Variants in DNAH12 observed in about 807,000 individuals in gnomAD.
DNAH12 encodes dynein axonemal heavy chain 12.
Under a neutral mutation model 371.5 loss-of-function variants are expected in DNAH12, and 285 were observed. The ratio of observed to expected loss-of-function variants is 0.77; its 90% CI spans 0.70 to 0.85. The LOEUF is 0.85. Among genes scored for constraint, DNAH12 ranks in the 40% least tolerant of loss-of-function variants. DNAH12 has a pLI of 0.00. For missense variants in DNAH12, 3,611 were observed against 3,689.4 expected (o/e 0.98, Z 0.55); for synonymous variants, 1,200 against 1,213.0 (o/e 0.99, Z 0.22).
chr3:57,481,157 A>G (rs2066730241), intron 13 of DNAH12, among the ~76,000 whole-genome samples: 1 of 152,204 alleles, frequency 6.6e-6, no homozygotes, highest in Admixed American at 6.5e-5. Flanking sequence ...ACATGATTGT[A>G]TATCTAGAAA....
intron 29 of DNAH12, among the ~76,000 whole-genome samples, chr3:57,440,867 G>A (rs1313876111): frequency 5.9e-5 from 9 of 152,136 alleles, no homozygotes; most frequent in Non-Finnish European, 1.2e-4. Context: ...GTACATTCCT[G>A]TAGTCCCAGC....
chr3:57,449,742 T>TGAGGAAGTGGAGGGAGTGG (rs2065689376), intron 25 of DNAH12, among the ~76,000 whole-genome samples: 2 of 152,262 alleles, frequency 1.3e-5, no homozygotes, highest in African/African-American at 4.8e-5. Context: ...CACACCTCCC[T>TGAGGAAGTGGAGGGAGTGG]GCAAGCTGAG....
intron 13 of DNAH12, among the ~76,000 whole-genome samples, chr3:57,477,266 C>T (rs2066565042): frequency 6.6e-6 from 1 of 152,188 alleles, no homozygotes; most frequent in African/African-American, 2.4e-5. Flanking sequence ...AACGGCACAC[C>T]AGGAGATTAT....
intron 62 of DNAH12, 132 bp downstream of exon 62, chr3:57,334,333 C>T: frequency 2.0e-6 from 2 of 1,010,508 alleles, no homozygotes; most frequent in Non-Finnish European, 2.7e-6. Context: ...GATCTAAATC[C>T]AAAGAGCTCA....
At chr3:57,306,171 G>A (rs1056725715) in intron 69 of DNAH12, among the ~76,000 whole-genome samples, 3 of 152,054 alleles carry the variant, frequency 2.0e-5, no homozygotes, top group Admixed American at 6.6e-5. Context: ...CTGCCCGATC[G>A]CCTCAGAAGC....
At position 57,407,281 on chromosome 3, in the gene DNAH12, G is replaced by GA. The variant is rs35245549; in HGVS notation, c.6276+998dup. Among the ~76,000 whole-genome samples the GA allele has an allele frequency of 7.6e-3, 1,019 of 133,562 alleles. 18 individuals are homozygous for GA. The highest frequency in any genetic ancestry group is 0.022 in the African/African-American group (774 of 35,402). 87.6% of individuals were successfully genotyped at this position (133,562 alleles called of 152,430 possible). On this transcript the variant is annotated intron_variant, in intron 40 of 73. Coordinates refer to ENST00000495027, the MANE Select transcript of DNAH12 (RefSeq NM_001366028.2). Reference sequence around the variant, plus strand: ...GTAGGTCTATAATGCTTCAAAGACAGAAAAAAAAAAAAAAAAGCCGGGGGT... The same window carrying GA: ...GTAGGTCTATAATGCTTCAAAGACAGAAAAAAAAAAAAAAAAAGCCGGGGGT...
At position 57,457,724 on chromosome 3, in the gene DNAH12, C is replaced by G. The variant is rs1368918018; in HGVS notation, c.3333G>C (p.Arg1111Ser). The change falls in exon 22 of 74, where the codon AGG (arginine) becomes AGC (serine). Residue 1111 changes from arginine (R) to serine (S), a missense_variant. Physicochemically the swap from Arg to Ser is moderately radical, Grantham distance 110 (BLOSUM62 -1). This residue lies in a region of DNAH12 where 1,314 missense variants were observed against 1,398.7 expected (regional missense o/e 0.94). Coordinates refer to ENST00000495027, the MANE Select transcript of DNAH12 (RefSeq NM_001366028.2). ...RSVHDVIAAARLAYPESARRD... is the reference protein window; with the variant it reads ...RSVHDVIAAASLAYPESARRD... ...TATCAAATCCTAGGAAACACACCAG[C>G]CTGGCTGCAGCGATCACATCGTGAA... 1.3e-6 allele frequency: 2 copies of G among 1,547,822 alleles called. No homozygotes were observed. Among genetic ancestry groups the G allele is most frequent in the Admixed American group, 2.0e-5 (1 of 50,894 alleles).
chr3:57,294,224 T>A (rs2061184983), intron 73 of DNAH12, among the ~76,000 whole-genome samples: 1 of 149,392 alleles, frequency 6.7e-6, no homozygotes, highest in Admixed American at 6.7e-5. Flanking sequence ...TCACCTAGGC[T>A]GGAGTACAGT....
At chr3:57,344,361 C>T (rs2062486525) in intron 60 of DNAH12, among the ~76,000 whole-genome samples, 1 of 152,176 alleles carries the variant, frequency 6.6e-6, no homozygotes, top group Non-Finnish European at 1.5e-5. Context: ...ACTAGTACAA[C>T]CATTACGGAG....
At chr3:57,351,708 T>C (rs1434124752) in intron 60 of DNAH12, among the ~76,000 whole-genome samples, 1 of 152,180 alleles carries the variant, frequency 6.6e-6, no homozygotes, top group Non-Finnish European at 1.5e-5. Flanking sequence ...TATATATATA[T>C]GTCAAGCTAA....
chr3:57,461,368 T>G, intron 19 of DNAH12, 121 bp downstream of exon 19: 1 of 824,696 alleles, frequency 1.2e-6, no homozygotes, highest in Admixed American at 2.7e-5. Context: ...GTTATAGGTC[T>G]ATGATTTGAA....
chr3:57,306,466 A>G (rs568283620), intron 69 of DNAH12, among the ~76,000 whole-genome samples: 158 of 152,182 alleles, frequency 1.0e-3, no homozygotes, highest in African/African-American at 3.5e-3. Flanking sequence ...TAACTAAATT[A>G]TCTGCTTCCC....
At chr3:57,346,767 G>A (rs1377050047) in intron 60 of DNAH12, among the ~76,000 whole-genome samples, 2 of 152,062 alleles carry the variant, frequency 1.3e-5, no homozygotes, top group East Asian at 3.8e-4. Context: ...GATAGAGAAA[G>A]ATATACCATG....
intron 13 of DNAH12, among the ~76,000 whole-genome samples, chr3:57,477,807 C>G (rs542228910): frequency 6.6e-6 from 1 of 152,194 alleles, no homozygotes; most frequent in Non-Finnish European, 1.5e-5. Flanking sequence ...GATACCCAGG[C>G]AAACAGGGTC....
rs778926171 is a variant in DNAH12 at position 57,309,713 on chromosome 3, T to G, written c.11038A>C (p.Ser3680Arg). ...ATTTCTAACAGAATCTGATCAGTAC[T>G]TCCTGAGGCTCCTGTCTGTTTGGAG... ...GGSKQTGASGSTDQILLEITK... is the reference protein window; with the variant it reads ...GGSKQTGASGRTDQILLEITK... The change falls in exon 68 of 74, where the codon AGT becomes CGT. Residue 3680 changes from serine (S) to arginine (R), a missense_variant. By Grantham distance (110) the Ser-to-Arg change is moderately radical. Around this residue, in one of 3 missense-constraint regions of DNAH12, gnomAD observed 2,266 missense variants for 2,236.9 expected, o/e 1.01. Transcript: ENST00000495027. 4.5e-6 allele frequency: 7 copies of G among 1,549,452 alleles called. No individual in the cohort carries two copies. Among genetic ancestry groups the G allele is most frequent in the Non-Finnish European group, 6.1e-6 (7 of 1,146,290 alleles).
rs1043170149 is a variant in DNAH12 at position 57,301,918 on chromosome 3, G to A, written c.11211C>T (p.Asn3737=). The change falls in exon 70 of 74, where the codon AAC becomes AAT. Residue 3737 remains asparagine (N), a synonymous_variant. Coordinates refer to ENST00000495027, the MANE Select transcript of DNAH12 (RefSeq NM_001366028.2). ...TAGCTTTTTCAAGGTCCCGTAGAGTGTTACGTATAGTTATAATTAAACTGC... is the reference window on the plus strand; with the variant it reads ...TAGCTTTTTCAAGGTCCCGTAGAGTATTACGTATAGTTATAATTAAACTGC... ...RFNNLIITIR[N]TLRDLEKAIK... 2.6e-6 allele frequency: 4 copies of A among 1,551,366 alleles called. No homozygotes were observed. The highest frequency in any genetic ancestry group is 3.9e-5 in the Admixed American group (2 of 50,970).
chr3:57,456,103 AAAG>A (rs2065896005), intron 22 of DNAH12, among the ~76,000 whole-genome samples: 1 of 152,246 alleles, frequency 6.6e-6, no homozygotes, highest in Admixed American at 6.5e-5. Flanking sequence ...CCTAAGCTTC[AAAG>A]AAGGATGAAT....
intron 15 of DNAH12, among the ~76,000 whole-genome samples, 161 bp downstream of exon 15, chr3:57,471,311 G>T (rs1431659528): frequency 6.7e-6 from 1 of 149,056 alleles, no homozygotes; most frequent in African/African-American, 2.4e-5. Flanking sequence ...ATATATTATA[G>T]TATTAGATAA....
chr3:57,519,939 C>T, intron 4 of DNAH12: 2 of 898,506 alleles, frequency 2.2e-6, no homozygotes, highest in South Asian at 2.6e-5. Context: ...TGTCGCCTCC[C>T]GACTTGGAGC....
Sources: allele counts gnomAD v4.1 joint callset (sites outside exome capture counted in the v4.1 genomes callset), GRCh38; gene constraint gnomAD v4.1.1; regional missense constraint gnomAD v4.1.1; transcripts MANE v1.5; gene names NCBI Gene and HGNC (gene_info 2026-07-23, HGNC 2026-07-21).